ANKRD55: variants seen among roughly 807,000 people sequenced by gnomAD.
The protein encoded by ANKRD55 is ankyrin repeat domain 55, also known as ankyrin repeat domain-containing protein 55.
A neutral mutation model predicts 60.6 loss-of-function variants in ANKRD55; 41 were observed. The observed-to-expected ratio is 0.68, with a 90% CI of 0.53 to 0.88. The LOEUF is 0.88. Ranked by LOEUF, ANKRD55 falls within the 40% of genes least tolerant of loss-of-function variation. The pLI, the probability that ANKRD55 is intolerant of heterozygous loss-of-function variation, is 0.00. For synonymous variants in ANKRD55, 264 were observed against 290.3 expected (o/e 0.91, Z 0.92); for missense variants, 732 against 767.6 (o/e 0.95, Z 0.55).
chr5:56,208,751 A>C (rs916002982), intron 2 of ANKRD55, among the ~76,000 whole-genome samples: 3 of 152,084 alleles, frequency 2.0e-5, no homozygotes, highest in African/African-American at 4.8e-5. Context: ...AACAACTGGC[A>C]ATGCAGTAGA....
Position 56,102,529 on chromosome 5 carries a change from G to A in ANKRD55, c.1688C>T (p.Thr563Ile). 6.2e-7 allele frequency: 1 copy of A among 1,613,878 alleles called. No individual in the cohort carries two copies. The highest frequency in any genetic ancestry group is 1.3e-5 in the African/African-American group (1 of 75,052). ...NRHKIRDLPF[T>I]RNNLAPLPDQ... ...TGGTAGGGGAGCTAGGTTGTTCCGA[G>A]TGAAAGGAAGATCCCTGATTTTGTG... is the stretch of plus-strand genomic sequence containing the variant. The change falls in exon 11 of 12, where the codon ACT becomes ATT. Residue 563 changes from threonine to isoleucine, a missense_variant. Transcript: ENST00000341048.
chr5:56,148,213 C>T (rs10214316), intron 6 of ANKRD55, among the ~76,000 whole-genome samples: 105,534 of 152,084 alleles, frequency 0.69, 36,941 homozygotes, highest in Middle Eastern at 0.82. Flanking sequence ...CCATCTGTGT[C>T]CAAGTTATGG....
intron 6 of ANKRD55, among the ~76,000 whole-genome samples, chr5:56,147,731 C>CT (rs1378864958): frequency 6.6e-6 from 1 of 151,528 alleles, no homozygotes; most frequent in Non-Finnish European, 1.5e-5. Context: ...TTTTCTTTTT[C>CT]TTTTTTTCAT....
At chr5:56,218,324 TA>T (rs1394902019) in intron 2 of ANKRD55, among the ~76,000 whole-genome samples, 1 of 152,258 alleles carries the variant, frequency 6.6e-6, no homozygotes, top group Non-Finnish European at 1.5e-5. Flanking sequence ...TATCACATGT[TA>T]CATACAGATA....
In ANKRD55 at chr5:56,111,360, G is replaced by T; in HGVS notation, c.1388C>A (p.Pro463His). Residue 463 changes from proline to histidine, a missense_variant, in exon 10 of 12, where the codon CCT (proline) becomes CAT (histidine). Coordinates refer to ENST00000341048, the MANE Select transcript of ANKRD55 (RefSeq NM_024669.3). ...CTGAGATCGCTGGGCCATATGATGA[G>T]GAGCAGAGCTCAGGCCTGCATGGGA... ...ATSHAGLSSA[P>H]HHMAQRSQKS... 6.2e-7 allele frequency: 1 copy of T among 1,614,156 alleles called. No individual in the cohort carries two copies. Among genetic ancestry groups the T allele is most frequent in the Non-Finnish European group, 8.5e-7 (1 of 1,180,050 alleles).
chr5:56,119,650 C>T (rs1756980350), intron 8 of ANKRD55, among the ~76,000 whole-genome samples: 1 of 152,182 alleles, frequency 6.6e-6, no homozygotes, highest in Non-Finnish European at 1.5e-5. Context: ...CACTGTGGCT[C>T]ATGCCTGAAA....
chr5:56,192,623 C>G, intron 2 of ANKRD55: 3 of 727,520 alleles, frequency 4.1e-6, no homozygotes, highest in Non-Finnish European at 6.9e-6. Flanking sequence ...ATTTTCTCAG[C>G]TACTTAGTAT....
At chr5:56,210,297 G>A (rs1028725133) in intron 2 of ANKRD55, among the ~76,000 whole-genome samples, 1 of 152,032 alleles carries the variant, frequency 6.6e-6, no homozygotes, top group Non-Finnish European at 1.5e-5. Context: ...TTTATAGGCC[G>A]GGCGCGGTGG....
chr5:56,227,906 C>T (rs1760159673), intron 2 of ANKRD55, among the ~76,000 whole-genome samples: 1 of 152,156 alleles, frequency 6.6e-6, no homozygotes, highest in Non-Finnish European at 1.5e-5. Context: ...AATATGTATC[C>T]ATGTAAAGCC....
intron 2 of ANKRD55, among the ~76,000 whole-genome samples, chr5:56,195,273 A>G (rs1759203152): frequency 6.6e-6 from 1 of 152,330 alleles, no homozygotes; most frequent in East Asian, 1.9e-4. Context: ...CTGAAAGGAA[A>G]GAACATTTTT....
rs569097263 is a variant in ANKRD55, at chr5:56,121,070, C to T, written c.798-4288G>A. Among the ~76,000 whole-genome samples the T allele has an allele frequency of 1.8e-3, 274 of 152,204 alleles. 5 individuals carry two copies. Among genetic ancestry groups the T allele is most frequent in the Admixed American group, 2.6e-3 (39 of 15,280 alleles). On this transcript the variant is annotated intron_variant, in intron 8 of 11. Transcript: ENST00000341048. Reference sequence around the variant, plus strand: ...ACCACAGGCAGGCCAAGATGGCGCCCGTGCCCAAGCACAGCACTGACACAG... The same window carrying T: ...ACCACAGGCAGGCCAAGATGGCGCCTGTGCCCAAGCACAGCACTGACACAG...
chr5:56,123,037 A>G (rs1757122968), intron 8 of ANKRD55, among the ~76,000 whole-genome samples: 1 of 152,048 alleles, frequency 6.6e-6, no homozygotes, highest in Non-Finnish European at 1.5e-5. Flanking sequence ...AAGTGCTGGG[A>G]TTACAGGTGT....
chr5:56,228,070 T>G (rs549106883), intron 2 of ANKRD55, among the ~76,000 whole-genome samples: 11 of 152,282 alleles, frequency 7.2e-5, no homozygotes, highest in African/African-American at 2.4e-4. Flanking sequence ...CTCCCTGCAA[T>G]GGGTTGAATG....
intron 7 of ANKRD55, among the ~76,000 whole-genome samples, chr5:56,141,463 A>G (rs767554137): frequency 1.8e-4 from 28 of 152,190 alleles, no homozygotes; most frequent in Non-Finnish European, 3.4e-4. Flanking sequence ...AAAATCTAAG[A>G]GGTGAGGCCT....
At chr5:56,229,250 T>C (rs1205427530) in intron 2 of ANKRD55, among the ~76,000 whole-genome samples, 1 of 152,172 alleles carries the variant, frequency 6.6e-6, no homozygotes, top group Non-Finnish European at 1.5e-5. Flanking sequence ...TGTTCTGTAG[T>C]AAATGGCTTT....
chr5:56,142,192 G>A (rs1757788426), intron 7 of ANKRD55, among the ~76,000 whole-genome samples: 1 of 152,262 alleles, frequency 6.6e-6, no homozygotes, highest in Admixed American at 6.5e-5. Flanking sequence ...GCTGGGCATG[G>A]TGGTGTGTGC....
intron 2 of ANKRD55, among the ~76,000 whole-genome samples, chr5:56,227,681 A>C (rs1760154515): frequency 6.6e-6 from 1 of 151,812 alleles, no homozygotes; most frequent in Admixed American, 6.6e-5. Flanking sequence ...TAGAAAGAAC[A>C]CCGGTTTTGA....
intron 2 of ANKRD55, among the ~76,000 whole-genome samples, chr5:56,221,996 A>T (rs1264500854): frequency 6.6e-6 from 1 of 152,204 alleles, no homozygotes; most frequent in Admixed American, 6.5e-5. Flanking sequence ...TGAAGAGAGT[A>T]GTGGTTCTCC....
At chr5:56,179,819 G>A (rs1338137046) in intron 3 of ANKRD55, among the ~76,000 whole-genome samples, 1 of 152,058 alleles carries the variant, frequency 6.6e-6, no homozygotes, top group African/African-American at 2.4e-5. Context: ...ATTACAGTAA[G>A]GTTATGAAAT....
Sources: allele counts gnomAD v4.1 joint callset (sites outside exome capture counted in the v4.1 genomes callset), GRCh38; gene constraint gnomAD v4.1.1; transcripts MANE v1.5; gene names NCBI Gene and HGNC (gene_info 2026-07-23, HGNC 2026-07-21).